Variants in PTPRD observed in about 807,000 individuals in gnomAD.
PTPRD encodes receptor-type tyrosine-protein phosphatase delta.
Under a neutral mutation model 214.5 loss-of-function variants are expected in PTPRD, and 34 were observed. That is an observed-to-expected ratio of 0.16 (90% CI 0.12 to 0.21). The LOEUF is 0.21. Among genes scored for constraint, PTPRD ranks in the 10% least tolerant of loss-of-function variants. The probability of loss-of-function intolerance (pLI) is 1.00; values close to 1 mark genes in which losing one functional copy is unlikely to be tolerated. For missense variants in PTPRD, 2,545 were observed against 2,398.7 expected, an observed-to-expected ratio of 1.06 and a Z score of -1.27; for synonymous variants, 1,128 against 845.7, an observed-to-expected ratio of 1.33 and a Z score of -5.79.
intron 14 of PTPRD, among the ~76,000 whole-genome samples, chr9:8,560,869 C>A (rs1257640204): frequency 1.3e-5 from 2 of 151,100 alleles, no homozygotes; most frequent in Non-Finnish European, 2.9e-5. Context: ...ATTCAAACGA[C>A]AAATTCCTCA....
chr9:9,788,284 A>T (rs71492010), intron 5 of PTPRD, among the ~76,000 whole-genome samples: 1 of 151,144 alleles, frequency 6.6e-6, no homozygotes. Context: ...GGGCGCGGTG[A>T]CTCACACCTG....
chr9:8,805,963 C>G (rs7022850), intron 11 of PTPRD, among the ~76,000 whole-genome samples: 58,348 of 139,924 alleles, frequency 0.42, 12,856 homozygotes, highest in African/African-American at 0.55. Context: ...CCACTGCACT[C>G]CAGCCTGGGC....
rs186800805 is a variant in PTPRD at position 9,782,205 on chromosome 9, T to C, written c.-367-15354A>G. 1.1e-3 allele frequency among the ~76,000 whole-genome samples: 164 copies of C among 152,288 alleles called. 1 individual carries two copies. The highest frequency in any genetic ancestry group is 1.6e-3 in the Non-Finnish European group (107 of 68,016). On this transcript the variant is annotated intron_variant, in intron 5 of 45. Transcript: ENST00000381196. Reference sequence around the variant, plus strand: ...CCTACAGTCATCTCAACACAGTGTGTATATGTATGCATGAACATGGTCAGT... The same window carrying C: ...CCTACAGTCATCTCAACACAGTGTGCATATGTATGCATGAACATGGTCAGT...
At chr9:8,936,747 G>C (rs80022092) in intron 11 of PTPRD, among the ~76,000 whole-genome samples, 1 of 151,976 alleles carries the variant, frequency 6.6e-6, no homozygotes, top group Non-Finnish European at 1.5e-5. Flanking sequence ...GAGTGATTCT[G>C]TTTTCTTACT....
intron 6 of PTPRD, among the ~76,000 whole-genome samples, chr9:9,746,254 C>G (rs1056437801): frequency 6.6e-6 from 1 of 151,986 alleles, no homozygotes; most frequent in Non-Finnish European, 1.5e-5. Context: ...ATGCTCAGGT[C>G]AAACTTTTTA....
chr9:8,948,123 G>T (rs111235214), intron 11 of PTPRD, among the ~76,000 whole-genome samples: 46 of 150,118 alleles, frequency 3.1e-4, no homozygotes, highest in African/African-American at 1.1e-3. Flanking sequence ...GGGTTCGAGC[G>T]ATTCTCCTGC....
At chr9:10,597,282 T>A (rs1231549471) in intron 2 of PTPRD, among the ~76,000 whole-genome samples, 2 of 151,736 alleles carry the variant, frequency 1.3e-5, no homozygotes, top group Non-Finnish European at 3.0e-5. Flanking sequence ...CAAATACACA[T>A]GTTACTATCT....
At chr9:8,744,994 A>G (rs2092626404) in intron 11 of PTPRD, among the ~76,000 whole-genome samples, 1 of 152,164 alleles carries the variant, frequency 6.6e-6, no homozygotes, top group African/African-American at 2.4e-5. Flanking sequence ...TATTAACCAT[A>G]TATATATCCA....
intron 2 of PTPRD, among the ~76,000 whole-genome samples, chr9:10,561,830 T>A (rs2064053491): frequency 6.6e-6 from 1 of 152,134 alleles, no homozygotes; most frequent in Non-Finnish European, 1.5e-5. Flanking sequence ...GCTTTTAATA[T>A]TAATATCTCC....
chr9:10,436,395 T>C (rs1166078071), intron 2 of PTPRD, among the ~76,000 whole-genome samples: 1 of 151,794 alleles, frequency 6.6e-6, no homozygotes, highest in Non-Finnish European at 1.5e-5. Context: ...TCACTCAAAG[T>C]TCATATCATA....
chr9:9,193,756 G>C (rs1410352477), intron 9 of PTPRD, among the ~76,000 whole-genome samples: 1 of 152,134 alleles, frequency 6.6e-6, no homozygotes, highest in East Asian at 1.9e-4. Context: ...AAGCTGCCCT[G>C]GGTGAGTCTG....
intron 3 of PTPRD, among the ~76,000 whole-genome samples, chr9:10,063,258 T>C (rs561713786): frequency 2.6e-5 from 4 of 152,094 alleles, no homozygotes; most frequent in Non-Finnish European, 5.9e-5. Flanking sequence ...CTGACATAGC[T>C]ACTCAAGTTA....
At chr9:8,808,131 T>G (rs954195055) in intron 11 of PTPRD, among the ~76,000 whole-genome samples, 3 of 152,192 alleles carry the variant, frequency 2.0e-5, no homozygotes, top group African/African-American at 7.2e-5. Context: ...GTGTTTTGTC[T>G]TTTTCTTTCA....
At position 10,077,844 on chromosome 9, in the gene PTPRD, A is replaced by T. The variant is rs1328969092; in HGVS notation, c.-544-44054T>A. 3.0e-4 allele frequency among the ~76,000 whole-genome samples: 44 copies of T among 147,812 alleles called. No individual in the cohort carries two copies. The East Asian group carries it at 3.0e-3, about 10-fold the overall frequency. The stretch of plus-strand genomic sequence containing the variant: ...ACATGATCTCTCTTTTTTTTTTTTT[A>T]AAAGGTTGCACAGTGGAATCGGCAT... On this transcript the variant is annotated intron_variant, in intron 3 of 45. Coordinates refer to ENST00000381196, the MANE Select transcript of PTPRD (RefSeq NM_002839.4).
rs79747050 is a variant in PTPRD, at chr9:9,005,056, C to T, written c.-104+13641G>A. Among the ~76,000 whole-genome samples the T allele has an allele frequency of 5.6e-3, 854 of 152,184 alleles. 15 individuals are homozygous for T. The highest frequency in any genetic ancestry group is 0.02 in the African/African-American group (816 of 41,538). On this transcript the variant is annotated intron_variant, in intron 11 of 45. Coordinates refer to ENST00000381196, the MANE Select transcript of PTPRD (RefSeq NM_002839.4). Reference sequence around the variant, plus strand: ...ATTAGCCATGCTCTCTTTATGCCCTCTAGTGCATATATTTTGAATGGACCT... The same window carrying T: ...ATTAGCCATGCTCTCTTTATGCCCTTTAGTGCATATATTTTGAATGGACCT...
At chr9:9,158,622 AAAAAT>A (rs1314820823) in intron 10 of PTPRD, among the ~76,000 whole-genome samples, 1 of 152,018 alleles carries the variant, frequency 6.6e-6, no homozygotes, top group Non-Finnish European at 1.5e-5. Context: ...ATAAATAAAT[AAAAAT>A]AATAAAGAAG....
chr9:8,500,558 G>GGAAAAAAAAAGA (rs2097373754), intron 24 of PTPRD, among the ~76,000 whole-genome samples, 196 bp downstream of exon 24: 1 of 14,310 alleles, frequency 7.0e-5, no homozygotes, highest in Non-Finnish European at 1.1e-4. Flanking sequence ...TGAAAAAAAT[G>GGAAAAAAAAAGA]AAAAAAAAAA....
rs552355003 is a variant in PTPRD at position 10,253,842 on chromosome 9, G to C, written c.-545+87121C>G. ...TTTTATTCATTGGCTATATGGAACT[G>C]TAGTTCTTCATCAGGAAAGAAGCCC... is the stretch of plus-strand genomic sequence containing the variant. On this transcript the variant is annotated intron_variant, in intron 3 of 45. Coordinates refer to ENST00000381196, the MANE Select transcript of PTPRD (RefSeq NM_002839.4). Among the ~76,000 whole-genome samples the C allele has an allele frequency of 1.2e-4, 19 of 152,304 alleles. No individual in the cohort carries two copies. The South Asian group carries it at 3.9e-3, about 32-fold the overall frequency.
chr9:8,511,017 T>A (rs1199679005), intron 21 of PTPRD, among the ~76,000 whole-genome samples: 1 of 152,118 alleles, frequency 6.6e-6, no homozygotes, highest in African/African-American at 2.4e-5. Flanking sequence ...TCTCTATATA[T>A]GTATTTATAC....
Sources: allele counts gnomAD v4.1 joint callset (sites outside exome capture counted in the v4.1 genomes callset), GRCh38; gene constraint gnomAD v4.1.1; transcripts MANE v1.5; gene names NCBI Gene and HGNC (gene_info 2026-07-23, HGNC 2026-07-21).